Variants in ADGRE3 observed in about 807,000 individuals in gnomAD.
The protein encoded by ADGRE3 is EGF-like module receptor 3.
In ADGRE3, 88 loss-of-function variants were observed where a neutral mutation model predicts 80.1. That is an observed-to-expected ratio of 1.10 (90% CI 0.93 to 1.31). ADGRE3 has a LOEUF of 1.31. Ranked by LOEUF, ADGRE3 falls within the 40% of genes most tolerant of loss-of-function variation. The pLI is 0.00. For synonymous variants in ADGRE3, 281 were observed against 294.8 expected (o/e 0.95, Z 0.48); for missense variants, 715 against 776.5 (o/e 0.92, Z 0.94).
chr19:14,614,337 G>A (rs1035784521), downstream of ADGRE3, among the ~76,000 whole-genome samples: 6 of 152,150 alleles, frequency 3.9e-5, no homozygotes, highest in Non-Finnish European at 8.8e-5. Context: ...ACGTCTCTAG[G>A]AGGCCCCTGG....
intron 4 of ADGRE3, 114 bp from the exon 5 acceptor site, chr19:14,658,664 C>T (rs1197835891): frequency 4.0e-6 from 2 of 498,778 alleles, no homozygotes; most frequent in Non-Finnish European, 6.9e-6. Context: ...AGGTAAAAGC[C>T]TGAATTCATA....
Position 14,625,586 on chromosome 19 carries a change from T to G in ADGRE3, c.1826A>C (p.Tyr609Ser). The G allele has an allele frequency of 6.2e-7, 1 of 1,611,994 alleles. No homozygotes were observed. The highest frequency in any genetic ancestry group is 8.5e-7 in the Non-Finnish European group (1 of 1,178,194). The change falls in exon 15 of 16, where the codon TAT becomes TCT. Residue 609 changes from tyrosine to serine, a missense_variant. By Grantham distance (144) the Tyr-to-Ser change is moderately radical (BLOSUM62 -2). Coordinates refer to ENST00000253673, the MANE Select transcript of ADGRE3 (RefSeq NM_032571.5). ...CLLSQQVQKQ[Y>S]QKWFREIVKS... is the part of the protein sequence containing the mutation. Reference sequence around the variant, plus strand: ...TACGATCTCTCTAAACCACTTTTGATATTGTTTCTGGACCTGGAACATCAA... The same window carrying G: ...TACGATCTCTCTAAACCACTTTTGAGATTGTTTCTGGACCTGGAACATCAA...
chr19:14,665,415 G>C (rs1192242580), intron 2 of ADGRE3, among the ~76,000 whole-genome samples: 4 of 152,026 alleles, frequency 2.6e-5, no homozygotes, highest in African/African-American at 9.7e-5. Flanking sequence ...GGGATGGACA[G>C]TCCCAAATAT....
intron 14 of ADGRE3, among the ~76,000 whole-genome samples, chr19:14,626,769 G>A (rs572069885): frequency 6.6e-6 from 1 of 152,298 alleles, no homozygotes; most frequent in African/African-American, 2.4e-5. Flanking sequence ...CCATTCAGGA[G>A]CTCTGGGGTA....
intron 2 of ADGRE3, among the ~76,000 whole-genome samples, chr19:14,667,787 C>A (rs192883509): frequency 6.6e-6 from 1 of 152,112 alleles, no homozygotes; most frequent in Non-Finnish European, 1.5e-5. Flanking sequence ...ATGTAACAAA[C>A]CTGCACGTTG....
At chr19:14,617,370 C>CTTTA (rs1295219237), downstream of ADGRE3, among the ~76,000 whole-genome samples, 1 of 93,734 alleles carries the variant, frequency 1.1e-5, no homozygotes, top group African/African-American at 4.2e-5. Flanking sequence ...TTCTTTCTTT[C>CTTTA]TTTCTTCCTT....
the ADGRE3 span, among the ~76,000 whole-genome samples, chr19:14,607,726 G>A: frequency 2.1e-3 from 317 of 151,524 alleles, 2 homozygotes; most frequent in African/African-American, 7.0e-3. Context: ...ACAGACACCC[G>A]CCGTCGTGCC....
At chr19:14,674,691 T>C in intron 1 of ADGRE3, 55 bp downstream of exon 1, 1 of 1,570,020 alleles carries the variant, frequency 6.4e-7, no homozygotes, top group Non-Finnish European at 8.7e-7. Flanking sequence ...TTGAACCAAG[T>C]GGTCCCTGAC....
chr19:14,674,150 C>T (rs376960724), intron 1 of ADGRE3, among the ~76,000 whole-genome samples: 43 of 152,140 alleles, frequency 2.8e-4, no homozygotes, highest in African/African-American at 1.0e-3. Context: ...CAGAAGTTAT[C>T]AAGAAGGAGA....
At chr19:14,614,341 C>T (rs900524732), downstream of ADGRE3, among the ~76,000 whole-genome samples, 1 of 152,152 alleles carries the variant, frequency 6.6e-6, no homozygotes, top group Non-Finnish European at 1.5e-5. Context: ...CTCTAGGAGG[C>T]CCCTGGTGGA....
At chr19:14,614,887 AT>A (rs34761800), downstream of ADGRE3, among the ~76,000 whole-genome samples, 85 of 141,560 alleles carry the variant, frequency 6.0e-4, no homozygotes, top group African/African-American at 5.5e-4. Context: ...CCCGGCCCCC[AT>A]TTTTTTTTTT....
rs551616848 is a variant in ADGRE3, at chr19:14,674,759, T to C, written c.12A>G (p.Pro4=). The C allele has an allele frequency of 6.2e-7, 1 of 1,613,918 alleles. No homozygotes were observed. Among genetic ancestry groups the C allele is most frequent in the African/African-American group, 1.3e-5 (1 of 74,998 alleles). ...AGTCACACATACCTGGAAGAAGCAA[T>C]GGTCCCTGCATTTCTGTGGTACGGG... is the stretch of plus-strand genomic sequence containing the variant. MQG[P]LLLPGLCFLL... is the part of the protein sequence containing the mutation. The change falls in exon 1 of 16, where the codon CCA becomes CCG. Residue 4 remains proline, a synonymous_variant. Coordinates refer to ENST00000253673, the MANE Select transcript of ADGRE3 (RefSeq NM_032571.5).
Position 14,636,137 on chromosome 19 carries a change from T to TTCCTTCCTTCCTTCCTTC in ADGRE3, c.1484+1967_1484+1968insGAAGGAAGGAAGGAAGGA, listed in dbSNP as rs1555755831. ...TTCTTTCTTTCTTTCTTTCTTTCTT[T>TTCCTTCCTTCCTTCCTTC]CTTTCTTTCTTTCTTCCTTTCCTCC... On this transcript the variant is annotated intron_variant, in intron 11 of 15. Coordinates refer to ENST00000253673, the MANE Select transcript of ADGRE3 (RefSeq NM_032571.5). Among the ~76,000 whole-genome samples the TTCCTTCCTTCCTTCCTTC allele has an allele frequency of 7.3e-4, 23 of 31,360 alleles. 1 individual carries two copies. The highest frequency in any genetic ancestry group is 1.2e-3 in the East Asian group (1 of 840). The allele number at this position is 31,360 out of a possible 152,430, so 20.6% of individuals were successfully genotyped here.
At chr19:14,635,874 T>C (rs1416514301) in intron 11 of ADGRE3, among the ~76,000 whole-genome samples, 2 of 152,182 alleles carry the variant, frequency 1.3e-5, no homozygotes, top group African/African-American at 4.8e-5. Flanking sequence ...AATACAGATC[T>C]AGTGAGGCAT....
At chr19:14,620,549 T>TATATATATA (rs1970556954) in intron 15 of ADGRE3, among the ~76,000 whole-genome samples, 1 of 2,556 alleles carries the variant, frequency 3.9e-4, no homozygotes, top group Non-Finnish European at 6.4e-4. Flanking sequence ...ATATATATAT[T>TATATATATA]ATATATATAT....
At chr19:14,641,177 C>G (rs1228459979) in intron 10 of ADGRE3, among the ~76,000 whole-genome samples, 2 of 152,170 alleles carry the variant, frequency 1.3e-5, no homozygotes, top group Non-Finnish European at 2.9e-5. Flanking sequence ...GCCTCGTTAC[C>G]TGGGTATCTC....
intron 7 of ADGRE3, among the ~76,000 whole-genome samples, chr19:14,649,465 T>C (rs1355912245): frequency 2.1e-5 from 3 of 145,760 alleles, no homozygotes; most frequent in Non-Finnish European, 4.6e-5. Context: ...TCCACCTTTT[T>C]CCCCATCTCT....
chr19:14,647,093 G>T (rs1184210326), intron 8 of ADGRE3, 88 bp downstream of exon 8: 3 of 1,046,716 alleles, frequency 2.9e-6, no homozygotes, highest in Admixed American at 3.9e-5. Context: ...GAACAGAGTG[G>T]GTCTAGAACC....
In ADGRE3 at chr19:14,620,548, T is replaced by TATATAATATATATATATATA; in HGVS notation, c.1921-1078_1921-1077insTATATATATATATATTATAT. ...TGAATATATATATTTTATATATATATTATATATATATATATATATATTTTT... is the reference window on the plus strand; with the variant it reads ...TGAATATATATATTTTATATATATATATATAATATATATATATATATATATATATATATATATATATTTTT... On this transcript the variant is annotated intron_variant, in intron 15 of 15. Transcript: ENST00000253673. 4.0e-4 allele frequency among the ~76,000 whole-genome samples: 10 copies of TATATAATATATATATATATA among 24,970 alleles called. 1 individual carries two copies. The highest frequency in any genetic ancestry group is 1.5e-3 in the East Asian group (1 of 666). The allele number at this position is 24,970 out of a possible 152,430, so 16.4% of individuals were successfully genotyped here.
Sources: gnomAD v4.1 joint callset for allele counts (sites outside exome capture counted in the v4.1 genomes callset) on GRCh38, gnomAD v4.1.1 for gene constraint, MANE v1.5 for transcripts, NCBI Gene and HGNC (gene_info 2026-07-23, HGNC 2026-07-21) for gene names.